EDIL3: variants seen among roughly 807,000 people sequenced by gnomAD.
The protein encoded by EDIL3 is EGF-like repeat and discoidin I-like domain-containing protein 3.
In EDIL3, 37 loss-of-function variants were observed where a neutral mutation model predicts 67.4. The observed-to-expected ratio is 0.55, with a 90% CI of 0.42 to 0.72. EDIL3 has a LOEUF of 0.72. EDIL3 is among the 30% of genes least tolerant of loss of function. EDIL3 has a pLI of 0.00. For synonymous variants in EDIL3, 195 were observed against 196.3 expected, an observed-to-expected ratio of 0.99 and a Z score of 0.05; for missense variants, 527 against 586.3, an observed-to-expected ratio of 0.90 and a Z score of 1.04.
At chr5:84,220,825 A>T (rs1449338253) in intron 3 of EDIL3, among the ~76,000 whole-genome samples, 2 of 152,198 alleles carry the variant, frequency 1.3e-5, no homozygotes, top group African/African-American at 4.8e-5. Flanking sequence ...TTGCTTTGAA[A>T]GCATTTTTGT....
chr5:83,991,007 T>A (rs1745141835), intron 9 of EDIL3, among the ~76,000 whole-genome samples: 1 of 152,156 alleles, frequency 6.6e-6, no homozygotes, highest in Non-Finnish European at 1.5e-5. Flanking sequence ...TTACAAAATG[T>A]AAAGGACTGT....
At chr5:83,994,130 A>T (rs1347062609) in intron 9 of EDIL3, among the ~76,000 whole-genome samples, 1 of 152,186 alleles carries the variant, frequency 6.6e-6, no homozygotes, top group African/African-American at 2.4e-5. Flanking sequence ...TTTTGTGTAC[A>T]TAGGCATTTT....
chr5:84,100,497 T>C (rs1311026133), intron 6 of EDIL3, among the ~76,000 whole-genome samples: 1 of 152,068 alleles, frequency 6.6e-6, no homozygotes, highest in Non-Finnish European at 1.5e-5. Context: ...CACCACATGT[T>C]CTCAGTCATA....
intron 1 of EDIL3, among the ~76,000 whole-genome samples, chr5:84,343,789 A>C (rs1747177089): frequency 6.6e-6 from 1 of 152,032 alleles, no homozygotes. Flanking sequence ...CCTGGCTTGG[A>C]ATAGAACCTG....
intron 4 of EDIL3, among the ~76,000 whole-genome samples, chr5:84,158,484 A>G (rs1230028854): frequency 6.6e-6 from 1 of 152,060 alleles, no homozygotes; most frequent in East Asian, 1.9e-4. Context: ...AATACATCAA[A>G]GATGAAAGAG....
rs1435290325 is a variant in EDIL3 at position 84,064,913 on chromosome 5, T to C, written c.808-69A>G. 4.8e-6 allele frequency: 7 copies of C among 1,458,766 alleles called. No individual in the cohort carries two copies. In the East Asian group the frequency reaches 9.6e-5, roughly 20 times the overall value. The allele number at this position is 1,458,766 out of a possible 1,614,324, so 90.4% of individuals were successfully genotyped here. A position where few individuals can be genotyped will look rare whatever the true frequency, so the allele number is the denominator to read the frequency against. On this transcript the variant is annotated intron_variant, in intron 7 of 10. Coordinates refer to ENST00000296591, the MANE Select transcript of EDIL3 (RefSeq NM_005711.5). ...TACCTATTTTTACATATTTACCCTA[T>C]CTATACCTTATCGAAAATAATTGTT... is the stretch of plus-strand genomic sequence containing the variant.
chr5:84,161,250 T>C (rs1422728702), intron 4 of EDIL3, among the ~76,000 whole-genome samples: 1 of 152,042 alleles, frequency 6.6e-6, no homozygotes, highest in Non-Finnish European at 1.5e-5. Flanking sequence ...GATTGATAGG[T>C]GTTAAATAGA....
chr5:84,252,518 AT>A lies in EDIL3; in HGVS notation c.196+1565del, dbSNP rs1409293172. On this transcript the variant is annotated intron_variant, in intron 2 of 10. Transcript: ENST00000296591. ...CAAAAAAAAAAAAAAAAAAAAAAAA[AT>A]TCTGCTAAGATACTGATTTCTTAAT... Among the ~76,000 whole-genome samples, 47 of 148,766 alleles carry A rather than the reference AT, an allele frequency of 3.2e-4. 1 individual carries two copies. Among genetic ancestry groups the A allele is most frequent in the African/African-American group, 1.1e-3 (46 of 40,330 alleles).
chr5:84,266,359 T>C (rs947369188), intron 1 of EDIL3, among the ~76,000 whole-genome samples: 8 of 152,196 alleles, frequency 5.3e-5, no homozygotes, highest in African/African-American at 1.9e-4. Context: ...AGGAGGGCTT[T>C]ATGCAGCTCT....
At chr5:84,150,653 T>C (rs1748373822) in intron 4 of EDIL3, among the ~76,000 whole-genome samples, 1 of 152,192 alleles carries the variant, frequency 6.6e-6, no homozygotes, top group Non-Finnish European at 1.5e-5. Flanking sequence ...TGTGGAGGAA[T>C]TGAACTCTCA....
intron 3 of EDIL3, among the ~76,000 whole-genome samples, chr5:84,217,824 C>G (rs754214412): frequency 4.0e-5 from 6 of 150,990 alleles, no homozygotes; most frequent in Non-Finnish European, 7.4e-5. Context: ...CTCTCCTTTT[C>G]TTTTTAAATC....
chr5:84,227,683 C>G (rs528355699), intron 3 of EDIL3, among the ~76,000 whole-genome samples: 1 of 152,070 alleles, frequency 6.6e-6, no homozygotes, highest in South Asian at 2.1e-4. Flanking sequence ...AAATTATGTG[C>G]TAATGGTGGA....
intron 9 of EDIL3, among the ~76,000 whole-genome samples, chr5:84,045,942 A>C (rs1746215434): frequency 6.6e-6 from 1 of 152,210 alleles, no homozygotes; most frequent in Admixed American, 6.5e-5. Flanking sequence ...CTTTGAGGAA[A>C]TATTACAAAA....
intron 5 of EDIL3, among the ~76,000 whole-genome samples, chr5:84,131,326 T>C (rs1747963351): frequency 6.6e-6 from 1 of 152,172 alleles, no homozygotes; most frequent in South Asian, 2.1e-4. Flanking sequence ...TCAGGACATA[T>C]AGTTACAAAT....
chr5:84,276,865 C>A (rs1745593132), intron 1 of EDIL3, among the ~76,000 whole-genome samples: 1 of 152,118 alleles, frequency 6.6e-6, no homozygotes, highest in South Asian at 2.1e-4. Flanking sequence ...AGACAACACG[C>A]CTGCCGATGA....
chr5:84,050,972 T>C (rs1344742353), intron 9 of EDIL3, among the ~76,000 whole-genome samples: 1 of 152,176 alleles, frequency 6.6e-6, no homozygotes, highest in Non-Finnish European at 1.5e-5. Flanking sequence ...GTAGTGGTTC[T>C]CCCAGCATGG....
At chr5:84,035,309 C>A (rs1166194840) in intron 9 of EDIL3, among the ~76,000 whole-genome samples, 1 of 152,086 alleles carries the variant, frequency 6.6e-6, no homozygotes, top group Non-Finnish European at 1.5e-5. Context: ...ATGGTAGGAT[C>A]ATAATTTCAT....
chr5:84,217,652 A>G (rs1403596459), intron 3 of EDIL3, among the ~76,000 whole-genome samples: 1 of 151,490 alleles, frequency 6.6e-6, no homozygotes, highest in Non-Finnish European at 1.5e-5. Context: ...TAGACTTGCC[A>G]GCACTCAAAA....
intron 9 of EDIL3, among the ~76,000 whole-genome samples, chr5:84,032,499 A>G (rs182850131): frequency 1.3e-5 from 2 of 152,300 alleles, no homozygotes; most frequent in African/African-American, 4.8e-5. Flanking sequence ...AATTTGAATC[A>G]TCACATTCTT....
Sources: allele counts gnomAD v4.1 joint callset (sites outside exome capture counted in the v4.1 genomes callset), GRCh38; gene constraint gnomAD v4.1.1; transcripts MANE v1.5; gene names NCBI Gene and HGNC (gene_info 2026-07-23, HGNC 2026-07-21).